MEF2B: variants seen among roughly 807,000 people sequenced by gnomAD.
MEF2B encodes the protein myocyte enhancer factor 2B.
A neutral mutation model predicts 32.2 loss-of-function variants in MEF2B; 15 were observed. The observed-to-expected ratio is 0.47, with a 90% CI of 0.31 to 0.72. The LOEUF is 0.72. Ranked by LOEUF, MEF2B falls within the 30% of genes least tolerant of loss-of-function variation. The probability of loss-of-function intolerance (pLI) is 0.05; values close to 1 mark genes in which losing one functional copy is unlikely to be tolerated. For missense variants in MEF2B, 441 were observed against 511.5 expected (o/e 0.86, Z 1.33); for synonymous variants, 205 against 225.6 (o/e 0.91, Z 0.82).
chr19:19,160,170 A>G (rs1213224938), intron 1 of MEF2B, among the ~76,000 whole-genome samples: 1 of 151,784 alleles, frequency 6.6e-6, no homozygotes, highest in Non-Finnish European at 1.5e-5. Context: ...GGGTTTCAGC[A>G]TGTTGGCCAG....
intron 1 of MEF2B, among the ~76,000 whole-genome samples, chr19:19,163,541 G>A (rs960181236): frequency 3.3e-5 from 5 of 152,112 alleles, no homozygotes; most frequent in South Asian, 2.1e-4. Context: ...TCGCCCTGCC[G>A]GCTTCCCAGC....
Position 19,158,092 on chromosome 19 carries a change from CTT to C in MEF2B, c.-29-7330_-29-7329del, listed in dbSNP as rs113158341. Among the ~76,000 whole-genome samples, 533 of 144,474 alleles carry C rather than the reference CTT, an allele frequency of 3.7e-3. 3 individuals carry two copies. Among genetic ancestry groups the C allele is most frequent in the Admixed American group, 5.5e-3 (80 of 14,486 alleles). 94.8% of individuals were successfully genotyped at this position (144,474 alleles called of 152,430 possible). A position where few individuals can be genotyped will look rare whatever the true frequency, so the allele number is the denominator to read the frequency against. On this transcript the variant is annotated intron_variant, in intron 1 of 8. Coordinates refer to ENST00000424583, the MANE Select transcript of MEF2B (RefSeq NM_001145785.2). The stretch of plus-strand genomic sequence containing the variant: ...GTGATTTATTTCAAAAGGAAGATTT[CTT>C]TTTTTTTTTTTGAAGTGGAGTCTCG...
chr19:19,150,255 C>T (rs994673192), intron 2 of MEF2B, among the ~76,000 whole-genome samples: 8 of 150,564 alleles, frequency 5.3e-5, no homozygotes, highest in African/African-American at 1.7e-4. Flanking sequence ...ACAGACCAGG[C>T]GCGGTGGCTC....
chr19:19,147,989 C>T (rs1429848495), intron 3 of MEF2B, among the ~76,000 whole-genome samples, 157 bp from the exon 4 acceptor site: 5 of 152,380 alleles, frequency 3.3e-5, no homozygotes, highest in Non-Finnish European at 5.9e-5. Flanking sequence ...GACCAAACCC[C>T]GGTGAGTTAC....
Position 19,145,650 on chromosome 19 carries a change from G to T in MEF2B, c.*147C>A. 6.6e-7 allele frequency: 1 copy of T among 1,519,384 alleles called. No individual in the cohort carries two copies. The highest frequency in any genetic ancestry group is 8.8e-7 in the Non-Finnish European group (1 of 1,130,758). The allele number at this position is 1,519,384 out of a possible 1,614,324, so 94.1% of individuals were successfully genotyped here. On this transcript the variant is annotated 3_prime_UTR_variant, in exon 9 of 9. Coordinates refer to ENST00000424583, the MANE Select transcript of MEF2B (RefSeq NM_001145785.2). The surrounding 1 kb of genome is among the most constrained non-coding windows in gnomAD (Gnocchi z 4.6). ...GGAAAGGAGCCCCCCAGGGTGGATT[G>T]AGTCCAGCCGCCCACCTCCAAGCCC... is the stretch of plus-strand genomic sequence containing the variant.
chr19:19,151,268 A>G (rs1230884546), intron 1 of MEF2B, among the ~76,000 whole-genome samples: 1 of 151,914 alleles, frequency 6.6e-6, no homozygotes, highest in Non-Finnish European at 1.5e-5. Flanking sequence ...AAGAAAACAG[A>G]ATAATAGAAA....
At chr19:19,162,044 G>A (rs564943948) in intron 1 of MEF2B, among the ~76,000 whole-genome samples, 1 of 152,130 alleles carries the variant, frequency 6.6e-6, no homozygotes, top group Non-Finnish European at 1.5e-5. Flanking sequence ...CTGGCCTCAT[G>A]TGATCTGCCT....
At chr19:19,147,450 A>T (rs1298845178) in intron 4 of MEF2B, among the ~76,000 whole-genome samples, 2 of 68,804 alleles carry the variant, frequency 2.9e-5, no homozygotes, top group Non-Finnish European at 6.6e-5. Flanking sequence ...GGGGCTGCAC[A>T]GAGTGTTTGA....
chr19:19,148,555 A>G (rs1239923616), intron 3 of MEF2B, among the ~76,000 whole-genome samples: 2 of 151,844 alleles, frequency 1.3e-5, no homozygotes, highest in South Asian at 4.2e-4. Flanking sequence ...CCGGACCCCA[A>G]CCTCTTCTTT....
Position 19,145,791 on chromosome 19 carries a change from G to GATCTCCT in MEF2B, c.1106_*5dup, listed in dbSNP as rs927609086. On this transcript the variant is annotated 3_prime_UTR_variant, in exon 9 of 9. Transcript: ENST00000424583. This position sits in a 1 kb window ranked among gnomAD's most constrained non-coding sequence, Gnocchi z 4.6. ...GCGCTCTGGGCTGGTGCCACCGGGT[G>GATCTCCT]ATCTCCTACCGGGGCCAGCCGTCGG... 1.9e-6 allele frequency: 3 copies of GATCTCCT among 1,546,746 alleles called. No homozygotes were observed. The Admixed American group carries it at 6.0e-5, about 31-fold the overall frequency.
At chr19:19,159,490 G>T (rs1011663052) in intron 1 of MEF2B, among the ~76,000 whole-genome samples, 8 of 151,866 alleles carry the variant, frequency 5.3e-5, no homozygotes, top group Non-Finnish European at 1.0e-4. Flanking sequence ...CTAGAGTGAG[G>T]TGACAGGAAG....
chr19:19,159,802 C>T (rs538366046), intron 1 of MEF2B, among the ~76,000 whole-genome samples: 1 of 152,006 alleles, frequency 6.6e-6, no homozygotes, highest in South Asian at 2.1e-4. Context: ...GCCCCTTAGC[C>T]CCCCAGTAAT....
intron 6 of MEF2B, 21 bp from the exon 7 acceptor site, chr19:19,146,669 G>A (rs2146350580): frequency 1.2e-6 from 2 of 1,613,492 alleles, no homozygotes; most frequent in East Asian, 2.2e-5. Flanking sequence ...AGAGGGTGAA[G>A]GGGAAACTGA....
At chr19:19,168,056 G>A (rs945486487) in intron 1 of MEF2B, among the ~76,000 whole-genome samples, 1 of 152,156 alleles carries the variant, frequency 6.6e-6, no homozygotes, top group African/African-American at 2.4e-5. Flanking sequence ...GAACAAGCCT[G>A]CCTTTTTAGA....
chr19:19,146,411 G>A, intron 7 of MEF2B, 27 bp from the exon 8 acceptor site: 1 of 1,087,690 alleles, frequency 9.2e-7, no homozygotes, highest in Non-Finnish European at 1.3e-6. Flanking sequence ...GGGGGCTGAG[G>A]CCTGGACATC....
At position 19,145,683 on chromosome 19, in the gene MEF2B, G is replaced by A. The variant is rs2060018494; in HGVS notation, c.*114C>T. The stretch of plus-strand genomic sequence containing the variant: ...CCGCCCACCTCCAAGCCCCCACCGC[G>A]GAGGGGGGCGTCACTGTTGGGTCTT... On this transcript the variant is annotated 3_prime_UTR_variant, in exon 9 of 9. Transcript: ENST00000424583. This position sits in a 1 kb window ranked among gnomAD's most constrained non-coding sequence, Gnocchi z 4.6. 6.5e-7 allele frequency: 1 copy of A among 1,548,998 alleles called. No individual in the cohort carries two copies. The highest frequency in any genetic ancestry group is 8.7e-7 in the Non-Finnish European group (1 of 1,146,128).
intron 1 of MEF2B, among the ~76,000 whole-genome samples, chr19:19,156,040 G>A (rs781198153): frequency 1.3e-5 from 2 of 152,168 alleles, no homozygotes. Flanking sequence ...GGATGTAGAC[G>A]CAGAGGCTGG....
At chr19:19,152,411 G>GAAAAAT (rs948800420) in intron 1 of MEF2B, among the ~76,000 whole-genome samples, 1 of 150,058 alleles carries the variant, frequency 6.7e-6, no homozygotes, top group Non-Finnish European at 1.5e-5. Context: ...AAAAGAAAAA[G>GAAAAAT]AAAAAGAAAT....
chr19:19,151,498 T>G (rs1332607331), intron 1 of MEF2B, among the ~76,000 whole-genome samples: 1 of 151,706 alleles, frequency 6.6e-6, no homozygotes, highest in Non-Finnish European at 1.5e-5. Context: ...CCACTCGAGG[T>G]TCCTGGGAAC....
Sources: gnomAD v4.1 joint callset for allele counts (sites outside exome capture counted in the v4.1 genomes callset) on GRCh38, gnomAD v4.1.1 for gene constraint, Gnocchi (gnomAD v3.1) non-coding constraint, MANE v1.5 for transcripts, NCBI Gene and HGNC (gene_info 2026-07-23, HGNC 2026-07-21) for gene names.